The following CHD7 variants were observed in gnomAD, a reference collection of about 807,000 sequenced individuals.
The protein encoded by CHD7 is chromodomain helicase DNA binding protein 7, also known as ATP-dependent chromatin remodeler CHD7.
In CHD7, 24 loss-of-function variants were observed where a neutral mutation model predicts 307.3. That is an observed-to-expected ratio of 0.08 (90% CI 0.06 to 0.11). CHD7 has a LOEUF of 0.11. CHD7 is among the 10% of genes least tolerant of loss of function. The pLI is 1.00. For synonymous variants in CHD7, 1,363 were observed against 1,349.9 expected, an observed-to-expected ratio of 1.01 and a Z score of -0.21; for missense variants, 3,106 against 3,727.1, an observed-to-expected ratio of 0.83 and a Z score of 4.34.
At chr8:60,785,904 T>C (rs748361290) in intron 3 of CHD7, among the ~76,000 whole-genome samples, 4 of 152,152 alleles carry the variant, frequency 2.6e-5, no homozygotes, top group Admixed American at 6.5e-5. Flanking sequence ...GTGGAAGACA[T>C]TGGACATTTG....
At chr8:60,691,293 CTCTTTACT>C (rs1276172525) in intron 1 of CHD7, among the ~76,000 whole-genome samples, 3 of 152,114 alleles carry the variant, frequency 2.0e-5, no homozygotes, top group Admixed American at 2.0e-4. Context: ...TGTAACATGA[CTCTTTACT>C]TCTTTATAAC....
intron 2 of CHD7, among the ~76,000 whole-genome samples, chr8:60,749,642 C>T (rs1172284088): frequency 1.3e-5 from 2 of 152,076 alleles, no homozygotes; most frequent in Admixed American, 6.6e-5. Flanking sequence ...TATTCAGGGG[C>T]TTTTGCAGGT....
chr8:60,817,552 C>T (rs1323865361), intron 8 of CHD7, among the ~76,000 whole-genome samples: 1 of 152,172 alleles, frequency 6.6e-6, no homozygotes, highest in East Asian at 1.9e-4. Flanking sequence ...GTCTGCATCA[C>T]TACCCCTGGC....
intron 2 of CHD7, among the ~76,000 whole-genome samples, chr8:60,747,443 T>G (rs1809388372): frequency 6.6e-6 from 1 of 152,226 alleles, no homozygotes. Context: ...CCATTATGTG[T>G]TAACATACAT....
chr8:60,845,170 C>G (rs1352867664), intron 22 of CHD7, 80 bp from the exon 23 acceptor site: 26 of 1,570,316 alleles, frequency 1.7e-5, no homozygotes, highest in Non-Finnish European at 1.6e-5. Context: ...ATTTCCCTGC[C>G]TCGTGCATTA....
At chr8:60,690,458 A>G (rs1452801260) in intron 1 of CHD7, among the ~76,000 whole-genome samples, 1 of 152,076 alleles carries the variant, frequency 6.6e-6, no homozygotes, top group Non-Finnish European at 1.5e-5. Flanking sequence ...TTAACTTTTC[A>G]ATGTTCCCAC....
At chr8:60,810,310 G>A (rs1812736600) in intron 7 of CHD7, among the ~76,000 whole-genome samples, 2 of 151,916 alleles carry the variant, frequency 1.3e-5, no homozygotes, top group Admixed American at 6.6e-5. Flanking sequence ...GGGGCTTTAG[G>A]TGTGCTCCTC....
intron 1 of CHD7, among the ~76,000 whole-genome samples, chr8:60,713,016 C>G (rs1321817780): frequency 1.4e-5 from 2 of 144,700 alleles, no homozygotes; most frequent in Non-Finnish European, 3.0e-5. Context: ...CGCCACTGCA[C>G]TCCAGCCTGG....
rs761942903 is a variant in CHD7, at chr8:60,742,618, A to G, written c.1186A>G (p.Met396Val). The G allele has an allele frequency of 6.2e-6, 10 of 1,612,580 alleles. No individual in the cohort carries two copies. Among genetic ancestry groups the G allele is most frequent in the East Asian group, 2.2e-5 (1 of 44,870 alleles). Residue 396 changes from methionine to valine, a missense_variant, in exon 2 of 38, where the codon ATG becomes GTG. Met to Val is a conservative substitution (Grantham distance 21, BLOSUM62 1). Coordinates refer to ENST00000423902, the MANE Select transcript of CHD7 (RefSeq NM_017780.4). The part of the protein sequence containing the change: ...PQGTYASPPP[M>V]SPMKAMSNPA... ...GGGAACTTATGCCTCTCCACCTCCC[A>G]TGTCACCCATGAAAGCAATGAGTAA... is the stretch of plus-strand genomic sequence containing the variant.
chr8:60,805,694 G>A (rs1481744829), intron 6 of CHD7, among the ~76,000 whole-genome samples: 1 of 152,172 alleles, frequency 6.6e-6, no homozygotes, highest in Non-Finnish European at 1.5e-5. Context: ...AGAATTATGG[G>A]ATGATGAGAC....
chr8:60,803,422 T>G (rs544542778), intron 6 of CHD7, among the ~76,000 whole-genome samples: 1 of 152,328 alleles, frequency 6.6e-6, no homozygotes, highest in South Asian at 2.1e-4. Context: ...CTTTTCCTCT[T>G]TAGCTACCTT....
At chr8:60,726,995 A>G (rs1808193193) in intron 1 of CHD7, among the ~76,000 whole-genome samples, 1 of 152,122 alleles carries the variant, frequency 6.6e-6, no homozygotes, top group East Asian at 1.9e-4. Flanking sequence ...TTAATTGTAT[A>G]TTTTATGTAG....
At chr8:60,854,212 T>C in intron 31 of CHD7, 151 bp from the exon 32 acceptor site, 1 of 612,404 alleles carries the variant, frequency 1.6e-6, no homozygotes, top group Non-Finnish European at 2.8e-6. Flanking sequence ...TTGTAAGCTT[T>C]AGACAACAGT....
In CHD7 at chr8:60,852,149, G is replaced by A. The variant is rs770347802; in HGVS notation, c.5796G>A (p.Glu1932=). 4 of 1,613,892 alleles carry A rather than the reference G, an allele frequency of 2.5e-6. No individual in the cohort carries two copies. The East Asian group carries it at 8.9e-5, about 36-fold the overall frequency. Residue 1932 remains glutamate, a synonymous_variant, in exon 29 of 38, where the codon GAG becomes GAA. Transcript: ENST00000423902. ...RSYKRQQMRQ[E]ALMKTDRRRR... Reference sequence around the variant, plus strand: ...ATAAAAGGCAACAGATGAGGCAAGAGGCCCTAATGAAGACTGACCGGCGCA... The same window carrying A: ...ATAAAAGGCAACAGATGAGGCAAGAAGCCCTAATGAAGACTGACCGGCGCA...
chr8:60,815,156 T>C (rs1249781795), intron 7 of CHD7, among the ~76,000 whole-genome samples: 2 of 152,236 alleles, frequency 1.3e-5, no homozygotes, highest in Non-Finnish European at 1.5e-5. Context: ...CCCTCAATTA[T>C]AGAAGGACTA....
chr8:60,822,208 G>A, intron 11 of CHD7, 63 bp downstream of exon 11: 1 of 1,416,426 alleles, frequency 7.1e-7, no homozygotes, highest in Non-Finnish European at 9.5e-7. Context: ...TTTAGTTATT[G>A]AAAATAATAA....
chr8:60,845,779 T>G (rs1406601181), intron 23 of CHD7, among the ~76,000 whole-genome samples: 1 of 152,210 alleles, frequency 6.6e-6, no homozygotes, highest in Non-Finnish European at 1.5e-5. Flanking sequence ...AAGTGAACAA[T>G]TCATTGGCAT....
intron 37 of CHD7, chr8:60,863,728 C>CTTTTTTTTTTTTTTTTTTTTTT (rs916844789): frequency 7.0e-6 from 1 of 142,782 alleles, no homozygotes. Flanking sequence ...CATACAATAT[C>CTTTTTTTTTTTTTTTTTTTTTT]TTTTTTTTTC....
chr8:60,862,687 G>C (rs1205380303), intron 37 of CHD7, 35 bp downstream of exon 37: 1 of 1,406,444 alleles, frequency 7.1e-7, no homozygotes, highest in Non-Finnish European at 9.8e-7. Flanking sequence ...AAGAAAGGTA[G>C]CTATACAAAA....
Sources: gnomAD v4.1 joint callset for allele counts (sites outside exome capture counted in the v4.1 genomes callset) on GRCh38, gnomAD v4.1.1 for gene constraint, MANE v1.5 for transcripts, NCBI Gene and HGNC (gene_info 2026-07-23, HGNC 2026-07-21) for gene names.